WWOX: variants seen among roughly 807,000 people sequenced by gnomAD.
WWOX encodes WW domain-containing oxidoreductase.
WWOX carries 69 observed loss-of-function variants against 46.2 expected under a neutral mutation model. The observed-to-expected ratio is 1.49, with a 90% CI of 1.23 to 1.82. The LOEUF is 1.82. Ranked by LOEUF, WWOX falls within the 40% of genes most tolerant of loss-of-function variation. The pLI, the probability that WWOX is intolerant of heterozygous loss-of-function variation, is 0.00. For missense variants in WWOX, 919 were observed against 542.6 expected (o/e 1.69, Z -6.89); for synonymous variants, 359 against 202.6 (o/e 1.77, Z -6.56).
At chr16:78,856,766 C>G (rs1016561392) in intron 8 of WWOX, among the ~76,000 whole-genome samples, 3 of 152,068 alleles carry the variant, frequency 2.0e-5, no homozygotes, top group Admixed American at 1.3e-4. Context: ...ATTTAACACA[C>G]ATATTCACGA....
intron 4 of WWOX, among the ~76,000 whole-genome samples, chr16:78,128,629 C>G (rs186010737): frequency 6.6e-6 from 1 of 152,264 alleles, no homozygotes; most frequent in South Asian, 2.1e-4. Flanking sequence ...GAATTGCTGG[C>G]CACATCTTGA....
intron 8 of WWOX, among the ~76,000 whole-genome samples, chr16:78,739,858 T>A (rs971039342): frequency 6.6e-6 from 1 of 152,138 alleles, no homozygotes; most frequent in Non-Finnish European, 1.5e-5. Flanking sequence ...TTCCTTATTA[T>A]GGAAGAAGAA....
At chr16:78,774,087 A>C (rs1567550594) in intron 8 of WWOX, among the ~76,000 whole-genome samples, 1 of 152,140 alleles carries the variant, frequency 6.6e-6, no homozygotes, top group Non-Finnish European at 1.5e-5. Flanking sequence ...CTTCTGAAAG[A>C]AGGGCTGGAG....
chr16:78,657,960 C>T (rs184271427), intron 8 of WWOX, among the ~76,000 whole-genome samples: 1 of 152,196 alleles, frequency 6.6e-6, no homozygotes, highest in East Asian at 1.9e-4. Context: ...GGGAAGTGGA[C>T]TCAGAGGCCA....
intron 5 of WWOX, among the ~76,000 whole-genome samples, chr16:78,186,429 T>A (rs564101580): frequency 7.9e-5 from 12 of 152,340 alleles, no homozygotes; most frequent in African/African-American, 2.6e-4. Context: ...TGATATCCTT[T>A]GACTTGTTGG....
chr16:78,347,703 C>G (rs2081117114), intron 5 of WWOX, among the ~76,000 whole-genome samples: 1 of 122,242 alleles, frequency 8.2e-6, no homozygotes, highest in Non-Finnish European at 2.0e-5. Context: ...TATTAAAGGT[C>G]AAGAAAAATA....
chr16:78,378,986 T>A (rs1200758525), intron 5 of WWOX, among the ~76,000 whole-genome samples: 2 of 152,202 alleles, frequency 1.3e-5, no homozygotes, highest in Non-Finnish European at 2.9e-5. Context: ...TGTGACGACA[T>A]GAGCATTGGA....
At chr16:78,892,376 A>T (rs1033771394) in intron 8 of WWOX, 1 of 152,220 alleles carries the variant, frequency 6.6e-6, no homozygotes, top group Non-Finnish European at 1.5e-5. Flanking sequence ...AGGATGGCTG[A>T]TGAGATGCCT....
intron 5 of WWOX, among the ~76,000 whole-genome samples, chr16:78,178,922 G>A (rs143411664): frequency 4.6e-5 from 7 of 151,936 alleles, no homozygotes; most frequent in Admixed American, 6.6e-5. Flanking sequence ...GGTTTACCTC[G>A]TGTTTAGTCT....
intron 5 of WWOX, among the ~76,000 whole-genome samples, chr16:78,362,533 C>T (rs892783316): frequency 6.6e-6 from 1 of 151,954 alleles, no homozygotes; most frequent in South Asian, 2.1e-4. Context: ...TGCCTGAACT[C>T]GGGAGGTGGA....
chr16:79,080,947 C>G (rs949359367), intron 8 of WWOX, among the ~76,000 whole-genome samples: 1 of 152,190 alleles, frequency 6.6e-6, no homozygotes, highest in African/African-American at 2.4e-5. Flanking sequence ...GTGAATTCTT[C>G]TAGTGTAGTT....
intron 8 of WWOX, among the ~76,000 whole-genome samples, chr16:78,940,651 C>T (rs2045833367): frequency 6.9e-6 from 1 of 145,300 alleles, no homozygotes; most frequent in African/African-American, 2.6e-5. Flanking sequence ...GCACATATGT[C>T]TTTCTTTCTT....
At chr16:78,171,541 G>A (rs992260506) in intron 5 of WWOX, among the ~76,000 whole-genome samples, 1 of 152,078 alleles carries the variant, frequency 6.6e-6, no homozygotes, top group Non-Finnish European at 1.5e-5. Context: ...TGGTGACTTG[G>A]CTTGGAAAAG....
intron 8 of WWOX, among the ~76,000 whole-genome samples, chr16:78,720,987 G>T (rs543195130): frequency 6.6e-6 from 1 of 152,216 alleles, no homozygotes; most frequent in Admixed American, 6.5e-5. Flanking sequence ...ACCGTGCCTG[G>T]AGAGTTGCCT....
At chr16:78,345,033 T>C (rs2081071054) in intron 5 of WWOX, among the ~76,000 whole-genome samples, 1 of 119,686 alleles carries the variant, frequency 8.4e-6, no homozygotes, top group African/African-American at 2.8e-5. Flanking sequence ...AAGATGGTTG[T>C]GGAAAGTATT....
chr16:78,352,907 A>C (rs1190656642), intron 5 of WWOX, among the ~76,000 whole-genome samples: 12 of 152,242 alleles, frequency 7.9e-5, no homozygotes, highest in Non-Finnish European at 4.4e-5. Flanking sequence ...TATAGAGAAA[A>C]GATCAATCAT....
At chr16:78,295,803 C>T (rs189054863) in intron 5 of WWOX, among the ~76,000 whole-genome samples, 82 of 152,340 alleles carry the variant, frequency 5.4e-4, no homozygotes, top group African/African-American at 1.9e-3. Context: ...TTTTCGAACA[C>T]GTAGCACAGG....
intron 8 of WWOX, among the ~76,000 whole-genome samples, chr16:79,125,202 G>A (rs370413938): frequency 6.6e-6 from 1 of 152,104 alleles, no homozygotes; most frequent in Non-Finnish European, 1.5e-5. Flanking sequence ...TGTCCTTATA[G>A]ATGTATATTA....
intron 4 of WWOX, among the ~76,000 whole-genome samples, chr16:78,147,755 G>A (rs1241364201): frequency 6.8e-6 from 1 of 146,450 alleles, no homozygotes; most frequent in Non-Finnish European, 1.5e-5. Flanking sequence ...GGACAGTGCA[G>A]GATGGGGCTG....
Sources: allele counts gnomAD v4.1 joint callset (sites outside exome capture counted in the v4.1 genomes callset), GRCh38; gene constraint gnomAD v4.1.1; transcripts MANE v1.5; gene names NCBI Gene and HGNC (gene_info 2026-07-23, HGNC 2026-07-21).